Variants in KITLG observed in about 807,000 individuals in gnomAD.
The protein encoded by KITLG is KIT ligand.
In KITLG, 13 loss-of-function variants were observed where a neutral mutation model predicts 34.1. The ratio of observed to expected loss-of-function variants is 0.38; its 90% CI spans 0.25 to 0.61. KITLG has a LOEUF of 0.61. KITLG is among the 20% of genes least tolerant of loss of function. The pLI is 0.60. For missense variants in KITLG, 292 were observed against 318.9 expected (o/e 0.92, Z 0.64); for synonymous variants, 110 against 104.0 (o/e 1.06, Z -0.35).
At chr12:88,542,365 T>G (rs1370520500) in intron 2 of KITLG, among the ~76,000 whole-genome samples, 1 of 152,150 alleles carries the variant, frequency 6.6e-6, no homozygotes, top group Non-Finnish European at 1.5e-5. Context: ...ATCATGTCCA[T>G]GTTCCTCATT....
chr12:88,524,002 G>A (rs1021340949), intron 3 of KITLG, among the ~76,000 whole-genome samples: 5 of 152,328 alleles, frequency 3.3e-5, no homozygotes, highest in South Asian at 2.1e-4. Context: ...ATAGAACAGT[G>A]AAGGAACAGC....
chr12:88,562,821 C>T (rs529466137), intron 1 of KITLG, among the ~76,000 whole-genome samples: 2 of 152,286 alleles, frequency 1.3e-5, no homozygotes, highest in African/African-American at 4.8e-5. Context: ...TTGAAAAATG[C>T]TTCTCCTGGT....
At chr12:88,567,622 T>C (rs969865274) in intron 1 of KITLG, among the ~76,000 whole-genome samples, 2 of 152,192 alleles carry the variant, frequency 1.3e-5, no homozygotes, top group Non-Finnish European at 2.9e-5. Flanking sequence ...TTCCAAACTG[T>C]TGATTCTATA....
At chr12:88,509,166 A>G (rs1869181607) in intron 6 of KITLG, among the ~76,000 whole-genome samples, 1 of 152,192 alleles carries the variant, frequency 6.6e-6, no homozygotes, top group East Asian at 1.9e-4. Flanking sequence ...CTTAAAATCC[A>G]ATGGAAAACT....
chr12:88,501,498 C>A (rs1473122278), intron 9 of KITLG, among the ~76,000 whole-genome samples: 1 of 152,138 alleles, frequency 6.6e-6, no homozygotes, highest in Non-Finnish European at 1.5e-5. Context: ...ACAGTTTGTT[C>A]TCCCAGACCT....
At chr12:88,539,536 T>C (rs572473730) in intron 2 of KITLG, among the ~76,000 whole-genome samples, 1 of 151,970 alleles carries the variant, frequency 6.6e-6, no homozygotes, top group South Asian at 2.1e-4. Flanking sequence ...TATCTACCAC[T>C]AATATTGACT....
chr12:88,550,931 T>C (rs1009898981), intron 1 of KITLG, among the ~76,000 whole-genome samples: 2 of 152,200 alleles, frequency 1.3e-5, no homozygotes, highest in Non-Finnish European at 2.9e-5. Flanking sequence ...ACTGCTATAA[T>C]AATTGAAGAA....
intron 2 of KITLG, among the ~76,000 whole-genome samples, chr12:88,540,006 A>G (rs1870467217): frequency 6.6e-6 from 1 of 152,068 alleles, no homozygotes; most frequent in African/African-American, 2.4e-5. Flanking sequence ...ATAGATAACA[A>G]TTTTTTCTTT....
At chr12:88,543,996 T>C (rs1162184448) in intron 2 of KITLG, among the ~76,000 whole-genome samples, 2 of 152,200 alleles carry the variant, frequency 1.3e-5, no homozygotes, top group Non-Finnish European at 2.9e-5. Flanking sequence ...AATTTATTGA[T>C]AAATGAATTT....
intron 1 of KITLG, among the ~76,000 whole-genome samples, chr12:88,555,415 C>A (rs1197822475): frequency 6.6e-6 from 1 of 152,174 alleles, no homozygotes; most frequent in African/African-American, 2.4e-5. Context: ...TTCCTTATGG[C>A]CACTTTGCTA....
At position 88,532,452 on chromosome 12, in the gene KITLG, T is replaced by A. The variant is rs1202065876; in HGVS notation, c.181A>T (p.Met61Leu). Residue 61 changes from methionine (M) to leucine (L), a missense_variant, in exon 3 of 10, where the codon ATG (methionine) becomes TTG (leucine). This residue lies in a region of KITLG where 152 missense variants were observed against 207.9 expected (regional missense o/e 0.73). Coordinates refer to ENST00000644744, the MANE Select transcript of KITLG (RefSeq NM_000899.5). ...TGTAGTTTACATACCAAAACATCCA[T>A]CCCGGGGACATATTTGAGGGTTATC... ...YMITLKYVPG[M>L]DVLPSHCWIS... 6.2e-7 allele frequency: 1 copy of A among 1,609,502 alleles called. No individual in the cohort carries two copies. The highest frequency in any genetic ancestry group is 8.5e-7 in the Non-Finnish European group (1 of 1,177,430).
intron 1 of KITLG, among the ~76,000 whole-genome samples, chr12:88,558,688 G>C (rs1281529565): frequency 1.3e-5 from 2 of 152,178 alleles, no homozygotes; most frequent in African/African-American, 4.8e-5. Context: ...TTAAAATACA[G>C]ATTCCTGCAT....
chr12:88,560,427 T>C (rs992223602), intron 1 of KITLG, among the ~76,000 whole-genome samples: 3 of 152,178 alleles, frequency 2.0e-5, no homozygotes, highest in Non-Finnish European at 2.9e-5. Flanking sequence ...CACATAATAA[T>C]TGTAAACAAT....
intron 1 of KITLG, among the ~76,000 whole-genome samples, chr12:88,551,364 C>A (rs1402147856): frequency 1.3e-5 from 2 of 152,124 alleles, no homozygotes; most frequent in African/African-American, 4.8e-5. Flanking sequence ...AGAAACTTTT[C>A]AGTATTAACT....
chr12:88,515,475 A>C, intron 6 of KITLG, 59 bp downstream of exon 6: 1 of 1,026,276 alleles, frequency 9.7e-7, no homozygotes, highest in Non-Finnish European at 1.5e-6. Context: ...AGCCCATGCA[A>C]TACTCCTATA....
intron 1 of KITLG, among the ~76,000 whole-genome samples, chr12:88,547,829 T>C (rs1440424005): frequency 2.6e-5 from 4 of 152,224 alleles, no homozygotes; most frequent in African/African-American, 9.6e-5. Context: ...AAACGTTTGT[T>C]TTCTCATTCA....
intron 2 of KITLG, among the ~76,000 whole-genome samples, chr12:88,542,967 T>C (rs1870574944): frequency 6.6e-6 from 1 of 152,204 alleles, no homozygotes; most frequent in African/African-American, 2.4e-5. Flanking sequence ...CAAGACATTT[T>C]GGTTTCTAAA....
intron 1 of KITLG, among the ~76,000 whole-genome samples, chr12:88,574,079 T>A (rs969859296): frequency 2.0e-4 from 27 of 134,678 alleles, no homozygotes; most frequent in African/African-American, 3.8e-4. Flanking sequence ...TTTTTTTTTT[T>A]AAATTTTCTA....
intron 1 of KITLG, among the ~76,000 whole-genome samples, chr12:88,559,522 C>G (rs1196176704): frequency 6.6e-6 from 1 of 152,122 alleles, no homozygotes; most frequent in Non-Finnish European, 1.5e-5. Context: ...CCATCAAATG[C>G]ACTTCAATAT....
Sources: allele counts gnomAD v4.1 joint callset (sites outside exome capture counted in the v4.1 genomes callset), GRCh38; gene constraint gnomAD v4.1.1; regional missense constraint gnomAD v4.1.1; transcripts MANE v1.5; gene names NCBI Gene and HGNC (gene_info 2026-07-23, HGNC 2026-07-21).